C1QTNF3: variants seen among roughly 807,000 people sequenced by gnomAD.
The protein encoded by C1QTNF3 is C1q and TNF related 3, also known as complement C1q tumor necrosis factor-related protein 3.
A neutral mutation model predicts 32.6 loss-of-function variants in C1QTNF3; 26 were observed. The observed-to-expected ratio is 0.80, with a 90% CI of 0.58 to 1.11. The LOEUF (loss-of-function observed/expected upper bound fraction) is 1.11, where lower values mean the gene tolerates loss of function less well. Ranked by LOEUF, C1QTNF3 falls within the 50% of genes least tolerant of loss-of-function variation. The pLI, the probability that C1QTNF3 is intolerant of heterozygous loss-of-function variation, is 0.00. For synonymous variants in C1QTNF3, 155 were observed against 146.0 expected (o/e 1.06, Z -0.44); for missense variants, 362 against 398.2 (o/e 0.91, Z 0.77).
chr5:34,108,194 T>C, the C1QTNF3 span, among the ~76,000 whole-genome samples: 27 of 152,168 alleles, frequency 1.8e-4, no homozygotes, highest in African/African-American at 6.5e-4. Flanking sequence ...TATTATATCA[T>C]ATCACTTCTT....
chr5:34,119,709 TCATGATCCCATTTTATCCTGAAAAC>T, the C1QTNF3 span, among the ~76,000 whole-genome samples: 3 of 152,114 alleles, frequency 2.0e-5, no homozygotes, highest in Admixed American at 6.6e-5. Context: ...ATTCTTTGGG[TCATGATCCCATTTTATCCTGAAAAC>T]CAGCTACGGA....
the C1QTNF3 span, among the ~76,000 whole-genome samples, chr5:34,155,422 T>C: frequency 6.6e-6 from 1 of 152,232 alleles, no homozygotes; most frequent in African/African-American, 2.4e-5. Context: ...CTGAAGTGAC[T>C]AGTAAATTGG....
At chr5:34,212,630 T>C in the C1QTNF3 span, among the ~76,000 whole-genome samples, 1 of 151,686 alleles carries the variant, frequency 6.6e-6, no homozygotes, top group African/African-American at 2.4e-5. Flanking sequence ...AAGACATTTA[T>C]GCAGCCAAAA....
the C1QTNF3 span, among the ~76,000 whole-genome samples, chr5:34,063,298 C>CTG: frequency 4.5e-5 from 1 of 22,138 alleles, no homozygotes; most frequent in South Asian, 1.4e-3. Context: ...CCTCTCTCTC[C>CTG]TCTCTCTCTC....
At chr5:34,227,276 A>AGTAT in the C1QTNF3 span, among the ~76,000 whole-genome samples, 2 of 150,992 alleles carry the variant, frequency 1.3e-5, no homozygotes, top group Non-Finnish European at 3.0e-5. Flanking sequence ...CCAGTAGTAC[A>AGTAT]GTATGTACTA....
Position 34,042,902 on chromosome 5 carries a change from T to A in C1QTNF3, c.224A>T (p.Asp75Val). 1 of 1,614,212 alleles carries A rather than the reference T, an allele frequency of 6.2e-7. No individual in the cohort carries two copies. Among genetic ancestry groups the A allele is most frequent in the Non-Finnish European group, 8.5e-7 (1 of 1,180,040 alleles). ...CTCATCTGGTCTCAGGGATTTTAGG[T>A]CTGTAGAAGTGTTATTATCCACAGT... ...TGTVDNNTST[D>V]LKSLRPDELP... Residue 75 changes from aspartate (D) to valine (V), a missense_variant, in exon 1 of 6, where the codon GAC becomes GTC. Transcript: ENST00000382065.
At chr5:34,043,771 G>C (rs1754932590), upstream of C1QTNF3, 1 of 152,244 alleles carries the variant, frequency 6.6e-6, no homozygotes, top group South Asian at 2.1e-4. Context: ...TCTGGGTTTA[G>C]CAAAGGTATT....
At chr5:34,091,684 CTTTTCT>C in the C1QTNF3 span, among the ~76,000 whole-genome samples, 5 of 151,894 alleles carry the variant, frequency 3.3e-5, no homozygotes, top group Admixed American at 1.3e-4. Context: ...AAAACCTTCT[CTTTTCT>C]TTAAGATCAC....
chr5:34,237,494 A>G, the C1QTNF3 span, among the ~76,000 whole-genome samples: 1 of 152,216 alleles, frequency 6.6e-6, no homozygotes, highest in Non-Finnish European at 1.5e-5. Flanking sequence ...CACACTGCAT[A>G]AGATTTTACT....
At chr5:34,168,231 A>G in the C1QTNF3 span, 4 of 152,072 alleles carry the variant, frequency 2.6e-5, no homozygotes, top group Non-Finnish European at 4.4e-5. Flanking sequence ...TGATAAGAGT[A>G]TATTTTACCT....
chr5:34,177,886 G>A, the C1QTNF3 span, among the ~76,000 whole-genome samples: 1 of 151,628 alleles, frequency 6.6e-6, no homozygotes, highest in Non-Finnish European at 1.5e-5. Context: ...GTCTCCCAAA[G>A]GGCTAGCATT....
the C1QTNF3 span, among the ~76,000 whole-genome samples, chr5:34,098,929 T>C: frequency 6.6e-6 from 1 of 152,258 alleles, no homozygotes; most frequent in African/African-American, 2.4e-5. Flanking sequence ...TGCTATGTTC[T>C]GTTATCGGAA....
the C1QTNF3 span, among the ~76,000 whole-genome samples, chr5:34,081,126 C>T: frequency 2.0e-5 from 3 of 151,684 alleles, no homozygotes; most frequent in South Asian, 4.1e-4. Flanking sequence ...TTGGTAAAAA[C>T]GCTCTGTGAT....
chr5:34,209,548 C>T, the C1QTNF3 span, among the ~76,000 whole-genome samples: 2 of 151,566 alleles, frequency 1.3e-5, no homozygotes, highest in African/African-American at 4.9e-5. Context: ...AATATTATTA[C>T]TAATAGAAAA....
At chr5:34,097,541 T>C in the C1QTNF3 span, among the ~76,000 whole-genome samples, 1 of 109,732 alleles carries the variant, frequency 9.1e-6, no homozygotes, top group Non-Finnish European at 1.9e-5. Context: ...ATCCAATCAA[T>C]CTGGCTCCAA....
At chr5:34,084,039 C>T in the C1QTNF3 span, among the ~76,000 whole-genome samples, 1 of 151,654 alleles carries the variant, frequency 6.6e-6, no homozygotes, top group African/African-American at 2.4e-5. Context: ...CTATTTTTAT[C>T]TTTCTAAAAG....
At chr5:34,030,850 C>A (rs866400176) in intron 3 of C1QTNF3, among the ~76,000 whole-genome samples, 2 of 152,130 alleles carry the variant, frequency 1.3e-5, no homozygotes, top group African/African-American at 2.4e-5. Context: ...CCAAACACTG[C>A]ATGTTCTCAT....
the C1QTNF3 span, among the ~76,000 whole-genome samples, chr5:34,182,028 ATTTT>A: frequency 7.2e-6 from 1 of 139,382 alleles, no homozygotes; most frequent in Admixed American, 7.2e-5. Context: ...TATAAAAAGG[ATTTT>A]TTTTTTTGAG....
chr5:34,116,697 C>T, the C1QTNF3 span, among the ~76,000 whole-genome samples: 1 of 151,390 alleles, frequency 6.6e-6, no homozygotes, highest in Non-Finnish European at 1.5e-5. Flanking sequence ...CAGGTTGAAG[C>T]GATTCTCCTG....
Sources: allele counts gnomAD v4.1 joint callset (sites outside exome capture counted in the v4.1 genomes callset), GRCh38; gene constraint gnomAD v4.1.1; transcripts MANE v1.5; gene names NCBI Gene and HGNC (gene_info 2026-07-23, HGNC 2026-07-21).